DMD: variants seen among roughly 807,000 people sequenced by gnomAD.
DMD encodes the protein mutant dystrophin.
DMD carries 63 observed loss-of-function variants against 330.1 expected under a neutral mutation model. The ratio of observed to expected loss-of-function variants is 0.19; its 90% CI spans 0.16 to 0.24. The LOEUF is 0.24. DMD is among the 10% of genes least tolerant of loss of function. The probability of loss-of-function intolerance (pLI) is 1.00; values close to 1 mark genes in which losing one functional copy is unlikely to be tolerated. For synonymous variants in DMD, 1,223 were observed against 959.8 expected (o/e 1.27, Z -5.07); for missense variants, 3,344 against 2,684.1 (o/e 1.25, Z -5.43).
rs1042123695 is a variant in DMD at position 31,432,420 on chromosome X, G to T, written c.9084+12061C>A. Among the ~76,000 whole-genome samples the T allele has an allele frequency of 3.6e-5, 4 of 112,301 alleles. No homozygotes were observed. The Admixed American group carries it at 3.8e-4, about 11-fold the overall frequency. ...ACGCTGCGTAGTCAAGTTCAGAAAA[G>T]TGAGAAAGTTTAGAAAGGTTTCATA... is the stretch of plus-strand genomic sequence containing the variant. On this transcript the variant is annotated intron_variant, in intron 60 of 78. Coordinates refer to ENST00000357033, the MANE Select transcript of DMD (RefSeq NM_004006.3).
At chrX:33,271,407 TTATC>T (rs2053152330) in intron 1 of DMD, among the ~76,000 whole-genome samples, 2 of 110,506 alleles carry the variant, frequency 1.8e-5, no homozygotes, top group South Asian at 3.8e-4. Context: ...CTGTTAGCAA[TTATC>T]TATCTGTCTA....
chrX:32,826,109 AATC>A (rs1373802021), intron 4 of DMD, among the ~76,000 whole-genome samples: 2 of 112,154 alleles, frequency 1.8e-5, no homozygotes, highest in African/African-American at 6.5e-5. Context: ...GAACATCACT[AATC>A]ATCAGAGAAA....
intron 78 of DMD, among the ~76,000 whole-genome samples, chrX:31,122,318 A>C (rs973436339): frequency 9.0e-5 from 10 of 111,617 alleles, no homozygotes; most frequent in Non-Finnish European, 1.3e-4. Flanking sequence ...GCTATGAGTG[A>C]TTGATTGATT....
intron 7 of DMD, among the ~76,000 whole-genome samples, chrX:32,758,978 T>C (rs771003588): frequency 8.9e-6 from 1 of 112,281 alleles, no homozygotes; most frequent in African/African-American, 3.2e-5. Context: ...CTCTTCTCTA[T>C]TTCGAAACAT....
intron 16 of DMD, among the ~76,000 whole-genome samples, chrX:32,550,335 T>C (rs2049414183): frequency 8.9e-6 from 1 of 111,786 alleles, no homozygotes; most frequent in Admixed American, 9.5e-5. Flanking sequence ...TTAAGCAAAT[T>C]GCTCAAAACC....
chrX:31,776,060 AT>A (rs1326355326), intron 50 of DMD, among the ~76,000 whole-genome samples: 1 of 112,222 alleles, frequency 8.9e-6, no homozygotes, highest in Non-Finnish European at 1.9e-5. Flanking sequence ...AAGAAATAGC[AT>A]TTTGTGTCAC....
chrX:32,731,932 G>C (rs2067730097), intron 7 of DMD, among the ~76,000 whole-genome samples: 1 of 112,255 alleles, frequency 8.9e-6, no homozygotes, highest in Admixed American at 9.4e-5. Context: ...GACGAGCTGA[G>C]AGAAGAAGGC....
In DMD at chrX:32,336,267, C is replaced by G. The variant is rs1165426766; in HGVS notation, c.5922+5833G>C. 2.7e-5 allele frequency among the ~76,000 whole-genome samples: 3 copies of G among 111,069 alleles called. No individual in the cohort carries two copies. In the Admixed American group the frequency reaches 2.9e-4, roughly 11 times the overall value. ...TCCTCCTCAAGTGATCCGCCCACCT[C>G]GGCCTCACAAAGAGCTGGGATTACA... On this transcript the variant is annotated intron_variant, in intron 41 of 78. Coordinates refer to ENST00000357033, the MANE Select transcript of DMD (RefSeq NM_004006.3).
chrX:32,927,314 A>G (rs1277336021), intron 2 of DMD, among the ~76,000 whole-genome samples: 2 of 109,156 alleles, frequency 1.8e-5, no homozygotes, highest in Non-Finnish European at 3.8e-5. Flanking sequence ...AAAGTTATGA[A>G]GGAAATATAA....
intron 41 of DMD, among the ~76,000 whole-genome samples, chrX:32,327,338 T>G (rs1448468317): frequency 9.0e-6 from 1 of 111,482 alleles, no homozygotes; most frequent in East Asian, 2.8e-4. Flanking sequence ...CCTTAAAAAA[T>G]CAATTTTGGG....
chrX:32,573,935 T>A, intron 13 of DMD, 89 bp from the exon 14 acceptor site: 1 of 722,116 alleles, frequency 1.4e-6, no homozygotes, highest in Non-Finnish European at 2.2e-6. Context: ...CCAAAGTATC[T>A]CAGTCTCCTA....
intron 2 of DMD, among the ~76,000 whole-genome samples, chrX:32,890,356 C>G (rs1216346356): frequency 4.7e-5 from 5 of 105,979 alleles, no homozygotes; most frequent in African/African-American, 1.7e-4. Context: ...AACCTTAGAC[C>G]TAGATTCTTA....
chrX:32,302,101 TATA>T (rs888065318), intron 42 of DMD, among the ~76,000 whole-genome samples: 2 of 111,381 alleles, frequency 1.8e-5, no homozygotes, highest in African/African-American at 6.5e-5. Flanking sequence ...GCCCCCGTCT[TATA>T]ATGTTTCTAC....
intron 21 of DMD, among the ~76,000 whole-genome samples, chrX:32,475,695 C>G (rs1295409294): frequency 2.7e-5 from 3 of 110,823 alleles, no homozygotes; most frequent in Admixed American, 9.7e-5. Flanking sequence ...TGTTGGTATA[C>G]AGAAGAGCTA....
chrX:31,943,972 G>A (rs2095047508), intron 45 of DMD, among the ~76,000 whole-genome samples: 1 of 106,629 alleles, frequency 9.4e-6, no homozygotes, highest in Non-Finnish European at 1.9e-5. Context: ...GAGCAGAAAG[G>A]CAAAGGGTAT....
At chrX:32,073,287 T>C (rs2096315332) in intron 44 of DMD, among the ~76,000 whole-genome samples, 1 of 111,808 alleles carries the variant, frequency 8.9e-6, no homozygotes, top group South Asian at 3.7e-4. Context: ...ATTAATTCTT[T>C]CAGTTCACTA....
chrX:33,247,633 T>C (rs2052688973), intron 1 of DMD, among the ~76,000 whole-genome samples: 1 of 111,916 alleles, frequency 8.9e-6, no homozygotes, highest in South Asian at 3.7e-4. Flanking sequence ...AAATTTCTCA[T>C]AGACTCTAAT....
At chrX:31,168,658 C>G (rs777823185) in intron 74 of DMD, among the ~76,000 whole-genome samples, 1 of 111,966 alleles carries the variant, frequency 8.9e-6, no homozygotes, top group South Asian at 3.8e-4. Context: ...GCAACATCTA[C>G]TTTAAATCCT....
intron 41 of DMD, among the ~76,000 whole-genome samples, chrX:32,317,775 G>C (rs1269104376): frequency 9.2e-6 from 1 of 108,678 alleles, no homozygotes; most frequent in Non-Finnish European, 1.9e-5. Context: ...ATATATCAAT[G>C]CATCAAAAGT....
Sources: gnomAD v4.1 joint callset for allele counts (sites outside exome capture counted in the v4.1 genomes callset) on GRCh38, gnomAD v4.1.1 for gene constraint, MANE v1.5 for transcripts, NCBI Gene and HGNC (gene_info 2026-07-23, HGNC 2026-07-21) for gene names.